The following YEATS2 variants were observed in gnomAD, a reference collection of about 807,000 sequenced individuals.
The protein encoded by YEATS2 is YEATS domain-containing protein 2.
YEATS2 carries 77 observed loss-of-function variants against 163.2 expected under a neutral mutation model. The observed-to-expected ratio is 0.47, with a 90% CI of 0.39 to 0.57. The LOEUF is 0.57. Ranked by LOEUF, YEATS2 falls within the 20% of genes least tolerant of loss-of-function variation. The pLI, the probability that YEATS2 is intolerant of heterozygous loss-of-function variation, is 0.00. For missense variants in YEATS2, 1,549 were observed against 1,729.8 expected, an observed-to-expected ratio of 0.90 and a Z score of 1.85; for synonymous variants, 631 against 645.1, an observed-to-expected ratio of 0.98 and a Z score of 0.33.
chr3:183,801,118 C>T (rs1175922170), intron 24 of YEATS2: 1 of 199,070 alleles, frequency 5.0e-6, no homozygotes, highest in Non-Finnish European at 1.0e-5. Context: ...ACTGTAATAA[C>T]CCTAAGATGG....
intron 8 of YEATS2, among the ~76,000 whole-genome samples, chr3:183,744,162 G>A (rs1227807737): frequency 6.8e-6 from 1 of 147,818 alleles, no homozygotes; most frequent in Non-Finnish European, 1.5e-5. Context: ...GCCCAGGCTG[G>A]AGGGAAGTGG....
chr3:183,808,069 G>C lies in YEATS2; in HGVS notation c.4051G>C (p.Val1351Leu). ...TLQPVALHRN[V>L]YASVVEDMIL... Reference sequence around the variant, plus strand: ...GCAGCCCGTGGCACTCCACAGGAACGTGTATGCGTCCGTGGTGGAGGACAT... The same window carrying C: ...GCAGCCCGTGGCACTCCACAGGAACCTGTATGCGTCCGTGGTGGAGGACAT... Residue 1351 changes from valine (V) to leucine (L), a missense_variant, in exon 29 of 31, where the codon GTG becomes CTG. Transcript: ENST00000305135. The C allele has an allele frequency of 6.4e-7, 1 of 1,561,470 alleles. No homozygotes were observed.
At chr3:183,752,406 C>T (rs1720265817) in intron 10 of YEATS2, among the ~76,000 whole-genome samples, 153 bp downstream of exon 10, 1 of 152,144 alleles carries the variant, frequency 6.6e-6, no homozygotes, top group Admixed American at 6.5e-5. Context: ...CAAATTTCCA[C>T]TCTTGTCAAA....
Position 183,809,486 on chromosome 3 carries a change from A to G in YEATS2, c.4160+316A>G, listed in dbSNP as rs567689968. On this transcript the variant is annotated intron_variant, in intron 30 of 30. Coordinates refer to ENST00000305135, the MANE Select transcript of YEATS2 (RefSeq NM_018023.5). Reference sequence around the variant, plus strand: ...AAGATAACAGTGTCCATTACATGTCAGACACGAGGGCCAAGCGTTGCATAT... The same window carrying G: ...AAGATAACAGTGTCCATTACATGTCGGACACGAGGGCCAAGCGTTGCATAT... 89 of 216,638 alleles carry G rather than the reference A, an allele frequency of 4.1e-4. 1 individual carries two copies. In the South Asian group the frequency reaches 0.012, roughly 29 times the overall value. 13.4% of individuals were successfully genotyped at this position (216,638 alleles called of 1,614,324 possible).
intron 15 of YEATS2, among the ~76,000 whole-genome samples, chr3:183,768,811 A>G (rs545626363): frequency 6.6e-6 from 1 of 152,282 alleles, no homozygotes; most frequent in African/African-American, 2.4e-5. Flanking sequence ...CGTCTCTACT[A>G]AAAATACAAA....
At chr3:183,744,705 G>C (rs1008848275) in intron 8 of YEATS2, among the ~76,000 whole-genome samples, 1 of 152,030 alleles carries the variant, frequency 6.6e-6, no homozygotes. Context: ...TTCTTTGTAC[G>C]GTAGTATTTT....
chr3:183,786,153 T>C lies in YEATS2; in HGVS notation c.2765T>C (p.Met922Thr). The change falls in exon 20 of 31, where the codon ATG (methionine) becomes ACG (threonine). Residue 922 changes from methionine to threonine, a missense_variant. Met to Thr is a moderately conservative substitution (Grantham distance 81). Coordinates refer to ENST00000305135, the MANE Select transcript of YEATS2 (RefSeq NM_018023.5). The part of the protein sequence containing the change: ...QAAHGGQASL[M>T]KISDSTLKTV... ...GCCCATGGAGGACAGGCATCTCTAATGAAAATATCCGATAGCACCTTGAAG... is the reference window on the plus strand; with the variant it reads ...GCCCATGGAGGACAGGCATCTCTAACGAAAATATCCGATAGCACCTTGAAG... 6.2e-7 allele frequency: 1 copy of C among 1,613,996 alleles called. No homozygotes were observed. The highest frequency in any genetic ancestry group is 8.5e-7 in the Non-Finnish European group (1 of 1,179,864).
chr3:183,780,528 A>G (rs2108433103), intron 19 of YEATS2, among the ~76,000 whole-genome samples: 1 of 152,370 alleles, frequency 6.6e-6, no homozygotes, highest in African/African-American at 2.4e-5. Context: ...GAACACAACC[A>G]GTAGAATGCA....
intron 21 of YEATS2, among the ~76,000 whole-genome samples, chr3:183,794,202 G>A (rs1330611145): frequency 6.6e-6 from 1 of 152,084 alleles, no homozygotes; most frequent in Non-Finnish European, 1.5e-5. Flanking sequence ...TAATTTCTGG[G>A]GCACAAGGTG....
At chr3:183,758,410 G>A (rs992891107) in intron 12 of YEATS2, among the ~76,000 whole-genome samples, 1 of 152,078 alleles carries the variant, frequency 6.6e-6, no homozygotes, top group Non-Finnish European at 1.5e-5. Flanking sequence ...TAACTTTCTG[G>A]TGAAACTACT....
intron 15 of YEATS2, among the ~76,000 whole-genome samples, chr3:183,771,412 CT>C (rs1342108480): frequency 6.6e-6 from 1 of 151,184 alleles, no homozygotes; most frequent in Non-Finnish European, 1.5e-5. Flanking sequence ...CTACTGTTGA[CT>C]TTGTTTTAAA....
At chr3:183,809,280 A>C in intron 30 of YEATS2, 110 bp downstream of exon 30, 1 of 1,092,236 alleles carries the variant, frequency 9.2e-7, no homozygotes, top group East Asian at 2.4e-5. Context: ...AGATGGAGTG[A>C]GTGCTTAGGA....
intron 19 of YEATS2, among the ~76,000 whole-genome samples, chr3:183,780,303 C>T (rs879071328): frequency 1.3e-5 from 2 of 152,210 alleles, no homozygotes; most frequent in South Asian, 4.1e-4. Flanking sequence ...ACTGGCTGCT[C>T]TTGCCACAGT....
intron 15 of YEATS2, among the ~76,000 whole-genome samples, chr3:183,767,774 C>T (rs1722056603): frequency 6.6e-6 from 1 of 152,032 alleles, no homozygotes; most frequent in South Asian, 2.1e-4. Flanking sequence ...ACCTCGGCCT[C>T]CCAAAGTGCT....
chr3:183,778,179 ATCTT>A (rs1197006949), intron 19 of YEATS2, among the ~76,000 whole-genome samples: 2 of 151,970 alleles, frequency 1.3e-5, no homozygotes, highest in African/African-American at 2.4e-5. Flanking sequence ...ACAAAAATGA[ATCTT>A]GAGGTTTGGG....
intron 26 of YEATS2, chr3:183,803,687 C>G (rs1024512113): frequency 2.1e-6 from 1 of 469,158 alleles, no homozygotes; most frequent in Non-Finnish European, 3.8e-6. Flanking sequence ...AAGATCCTTA[C>G]AGTGGGAAGG....
At chr3:183,789,618 C>T (rs1417744835) in intron 20 of YEATS2, among the ~76,000 whole-genome samples, 1 of 143,008 alleles carries the variant, frequency 7.0e-6, no homozygotes, top group Non-Finnish European at 1.5e-5. Flanking sequence ...TCACTGCAAC[C>T]TCCACCTCCT....
At chr3:183,803,231 G>A (rs893641514) in intron 25 of YEATS2, 25 bp from the exon 26 acceptor site, 8 of 1,608,982 alleles carry the variant, frequency 5.0e-6, no homozygotes, top group Non-Finnish European at 6.8e-6. Context: ...CTTTATTCAG[G>A]CTTTGCTGGG....
chr3:183,764,800 TC>T (rs1319762832), intron 15 of YEATS2, among the ~76,000 whole-genome samples: 1 of 152,040 alleles, frequency 6.6e-6, no homozygotes, highest in Non-Finnish European at 1.5e-5. Flanking sequence ...AGAGCAAAAC[TC>T]CATCTCAAAA....
Sources: allele counts gnomAD v4.1 joint callset (sites outside exome capture counted in the v4.1 genomes callset), GRCh38; gene constraint gnomAD v4.1.1; transcripts MANE v1.5; gene names NCBI Gene and HGNC (gene_info 2026-07-23, HGNC 2026-07-21).